The following NXPH1 variants were observed in gnomAD, a reference collection of about 807,000 sequenced individuals.
NXPH1 encodes neurexophilin 1.
NXPH1 carries 5 observed loss-of-function variants against 23.7 expected under a neutral mutation model. The ratio of observed to expected loss-of-function variants is 0.21; its 90% CI spans 0.11 to 0.44. The LOEUF is 0.44. Ranked by LOEUF, NXPH1 falls within the 20% of genes least tolerant of loss-of-function variation. The pLI is 0.99. For synonymous variants in NXPH1, 144 were observed against 122.2 expected (o/e 1.18, Z -1.18); for missense variants, 324 against 321.6 (o/e 1.01, Z -0.06).
intron 2 of NXPH1, among the ~76,000 whole-genome samples, chr7:8,644,143 T>C (rs948226288): frequency 9.9e-5 from 15 of 152,196 alleles, no homozygotes; most frequent in African/African-American, 3.6e-4. Context: ...CCTGGATATC[T>C]AGGCTAAAAG....
intron 2 of NXPH1, among the ~76,000 whole-genome samples, chr7:8,650,758 G>A (rs1200498674): frequency 1.3e-5 from 2 of 152,098 alleles, no homozygotes; most frequent in Non-Finnish European, 2.9e-5. Flanking sequence ...TCAATGACTG[G>A]AAAAAGTGAA....
intron 2 of NXPH1, among the ~76,000 whole-genome samples, chr7:8,441,468 T>G (rs879747589): frequency 6.6e-6 from 1 of 152,108 alleles, no homozygotes; most frequent in African/African-American, 2.4e-5. Context: ...GACAATAAAG[T>G]GGGAAACCAA....
At chr7:8,563,699 C>T (rs10231934) in intron 2 of NXPH1, among the ~76,000 whole-genome samples, 1,596 of 151,810 alleles carry the variant, frequency 0.011, 28 homozygotes, top group African/African-American at 0.037. Context: ...GGAAATTCCT[C>T]CTTCTCTATA....
chr7:8,440,564 T>C (rs1816280401), intron 2 of NXPH1, among the ~76,000 whole-genome samples: 1 of 152,186 alleles, frequency 6.6e-6, no homozygotes, highest in African/African-American at 2.4e-5. Flanking sequence ...TGATTTTTTT[T>C]TGAGATAGGT....
At chr7:8,624,485 C>T (rs902591435) in intron 2 of NXPH1, among the ~76,000 whole-genome samples, 27 of 151,772 alleles carry the variant, frequency 1.8e-4, no homozygotes, top group Non-Finnish European at 8.8e-5. Flanking sequence ...TGAGAAAAAC[C>T]CTAAGAAATG....
At chr7:8,617,692 AC>A (rs1355858852) in intron 2 of NXPH1, among the ~76,000 whole-genome samples, 1 of 152,144 alleles carries the variant, frequency 6.6e-6, no homozygotes, top group Non-Finnish European at 1.5e-5. Context: ...TAGCAGAGGT[AC>A]AAAAAATAGA....
At chr7:8,698,156 A>C (rs1425594669) in intron 2 of NXPH1, among the ~76,000 whole-genome samples, 4 of 152,214 alleles carry the variant, frequency 2.6e-5, no homozygotes, top group Admixed American at 2.0e-4. Context: ...GACGTCTTAC[A>C]ATGTATGGCT....
rs1220661276 is a variant in NXPH1, at chr7:8,555,075, G to T, written c.54+119308G>T. Among the ~76,000 whole-genome samples the T allele has an allele frequency of 2.6e-5, 4 of 151,672 alleles. No individual in the cohort carries two copies. The South Asian group carries it at 8.3e-4, about 32-fold the overall frequency. On this transcript the variant is annotated intron_variant, in intron 2 of 2. Transcript: ENST00000405863. ...TTGGCTTCGTTTCTGAAAAAGTGTAGGTCCTCAATAAAAGGCATTGAATGA... is the reference window on the plus strand; with the variant it reads ...TTGGCTTCGTTTCTGAAAAAGTGTATGTCCTCAATAAAAGGCATTGAATGA...
At chr7:8,660,480 T>G (rs1316403983) in intron 2 of NXPH1, among the ~76,000 whole-genome samples, 3 of 152,190 alleles carry the variant, frequency 2.0e-5, no homozygotes, top group Non-Finnish European at 4.4e-5. Context: ...GAACAAACTT[T>G]CCCACATTTA....
intron 2 of NXPH1, among the ~76,000 whole-genome samples, chr7:8,487,322 G>T (rs1817174928): frequency 6.6e-6 from 1 of 152,118 alleles, no homozygotes; most frequent in South Asian, 2.1e-4. Flanking sequence ...TTATGATAGT[G>T]AATAAGTCTC....
At chr7:8,733,881 A>G (rs1780200670) in intron 2 of NXPH1, among the ~76,000 whole-genome samples, 1 of 152,124 alleles carries the variant, frequency 6.6e-6, no homozygotes, top group Admixed American at 6.5e-5. Context: ...CTTTAGTTTA[A>G]TTAGGTCCCA....
At chr7:8,658,549 A>G (rs890121219) in intron 2 of NXPH1, among the ~76,000 whole-genome samples, 4 of 152,224 alleles carry the variant, frequency 2.6e-5, no homozygotes, top group African/African-American at 9.6e-5. Context: ...CATACAGAAT[A>G]ACTGTGACCA....
At chr7:8,716,957 G>C (rs995516027) in intron 2 of NXPH1, among the ~76,000 whole-genome samples, 1 of 152,102 alleles carries the variant, frequency 6.6e-6, no homozygotes, top group Admixed American at 6.5e-5. Context: ...CAGCAGTGAG[G>C]CTCCAAGACA....
chr7:8,629,845 G>A (rs1016295306), intron 2 of NXPH1, among the ~76,000 whole-genome samples: 2 of 152,116 alleles, frequency 1.3e-5, no homozygotes, highest in African/African-American at 4.8e-5. Flanking sequence ...TTTAGAAATT[G>A]CCTGGTGCTT....
intron 2 of NXPH1, among the ~76,000 whole-genome samples, chr7:8,671,124 A>G (rs1016751449): frequency 6.6e-6 from 1 of 152,198 alleles, no homozygotes; most frequent in Non-Finnish European, 1.5e-5. Flanking sequence ...TTAAGGCAAA[A>G]ATACTTCTGT....
intron 2 of NXPH1, among the ~76,000 whole-genome samples, chr7:8,660,026 T>C (rs1268018671): frequency 6.6e-6 from 1 of 152,208 alleles, no homozygotes; most frequent in Non-Finnish European, 1.5e-5. Context: ...AGAATCCTGC[T>C]TGAGAAAAAC....
At chr7:8,580,511 C>T (rs558515069) in intron 2 of NXPH1, among the ~76,000 whole-genome samples, 1 of 152,180 alleles carries the variant, frequency 6.6e-6, no homozygotes, top group Non-Finnish European at 1.5e-5. Context: ...GAGGCTGATC[C>T]TTGGAAAATT....
intron 2 of NXPH1, among the ~76,000 whole-genome samples, chr7:8,726,112 A>G (rs981958590): frequency 6.6e-6 from 1 of 152,134 alleles, no homozygotes; most frequent in Admixed American, 6.5e-5. Flanking sequence ...CTATTGGATA[A>G]GCTGTGTTAT....
At chr7:8,590,432 C>T (rs1163853488) in intron 2 of NXPH1, among the ~76,000 whole-genome samples, 1 of 152,020 alleles carries the variant, frequency 6.6e-6, no homozygotes, top group Non-Finnish European at 1.5e-5. Context: ...TGCTTCATTT[C>T]TCCAAGGACA....
Sources: gnomAD v4.1 joint callset for allele counts (sites outside exome capture counted in the v4.1 genomes callset) on GRCh38, gnomAD v4.1.1 for gene constraint, MANE v1.5 for transcripts, NCBI Gene and HGNC (gene_info 2026-07-23, HGNC 2026-07-21) for gene names.